Variants in CFAP61 observed in about 807,000 individuals in gnomAD.
CFAP61 encodes cilia- and flagella-associated protein 61.
In CFAP61, 107 loss-of-function variants were observed where a neutral mutation model predicts 135.6. The ratio of observed to expected loss-of-function variants is 0.79; its 90% CI spans 0.67 to 0.93. The LOEUF (loss-of-function observed/expected upper bound fraction) is 0.93, where lower values mean the gene tolerates loss of function less well. Ranked by LOEUF, CFAP61 falls within the 40% of genes least tolerant of loss-of-function variation. The pLI, the probability that CFAP61 is intolerant of heterozygous loss-of-function variation, is 0.00. For missense variants in CFAP61, 1,507 were observed against 1,556.2 expected (o/e 0.97, Z 0.53); for synonymous variants, 575 against 578.5 (o/e 0.99, Z 0.09).
chr20:20,304,989 G>C (rs1040186438), intron 25 of CFAP61, among the ~76,000 whole-genome samples: 2 of 152,088 alleles, frequency 1.3e-5, no homozygotes, highest in African/African-American at 4.8e-5. Context: ...GTGTAAATAG[G>C]TCTTGCCCTA....
intron 8 of CFAP61, chr20:20,107,517 T>A (rs1304343114): frequency 3.9e-5 from 6 of 152,202 alleles, no homozygotes; most frequent in Admixed American, 3.9e-4. Context: ...CTTAATTTAG[T>A]ATATGAAGAT....
chr20:20,258,104 A>G (rs2051807243), intron 20 of CFAP61, among the ~76,000 whole-genome samples: 1 of 152,198 alleles, frequency 6.6e-6, no homozygotes, highest in Non-Finnish European at 1.5e-5. Flanking sequence ...ACCCTGTTAT[A>G]AGAACCAAGA....
intron 7 of CFAP61, among the ~76,000 whole-genome samples, chr20:20,092,469 G>C (rs1181106379): frequency 6.6e-6 from 1 of 152,124 alleles, no homozygotes; most frequent in Admixed American, 6.5e-5. Context: ...TTGAAACTTG[G>C]AATGAAAAGT....
rs191512398 is a variant in CFAP61, at chr20:20,254,557, A to T, written c.2328+2794A>T. Among the ~76,000 whole-genome samples the T allele has an allele frequency of 2.3e-3, 343 of 152,268 alleles. 2 individuals are homozygous for T. The highest frequency in any genetic ancestry group is 8.1e-3 in the African/African-American group (336 of 41,560). ...AATGAAATGAAGAAGTGATAAAGGG[A>T]GTTCCAATTTAATTTTTCCAGAAGG... On this transcript the variant is annotated intron_variant, in intron 20 of 26. Coordinates refer to ENST00000245957, the MANE Select transcript of CFAP61 (RefSeq NM_015585.4).
At chr20:20,233,512 C>A (rs2049326847) in intron 18 of CFAP61, among the ~76,000 whole-genome samples, 1 of 152,172 alleles carries the variant, frequency 6.6e-6, no homozygotes, top group African/African-American at 2.4e-5. Flanking sequence ...AGATGGACAT[C>A]CACAGGGCAT....
In CFAP61 at chr20:20,125,068, T is replaced by G. The variant is rs939124693; in HGVS notation, c.860-17789T>G. On this transcript the variant is annotated intron_variant, in intron 8 of 26. Transcript: ENST00000245957. The stretch of plus-strand genomic sequence containing the variant: ...TTTCATTGGTGTCAGCTGTAATATC[T>G]CCTGTTTCATTTCTTAATGAGATTA... 2.6e-5 allele frequency among the ~76,000 whole-genome samples: 4 copies of G among 151,812 alleles called. 1 individual carries two copies. The highest frequency in any genetic ancestry group is 9.7e-5 in the African/African-American group (4 of 41,118).
At chr20:20,222,041 C>T (rs2048441006) in intron 17 of CFAP61, 1 of 152,150 alleles carries the variant, frequency 6.6e-6, no homozygotes, top group African/African-American at 2.4e-5. Context: ...TACTGCCTGG[C>T]TGACTGCTAC....
At chr20:20,208,811 C>G (rs1200675381) in intron 17 of CFAP61, among the ~76,000 whole-genome samples, 1 of 152,218 alleles carries the variant, frequency 6.6e-6, no homozygotes, top group Non-Finnish European at 1.5e-5. Flanking sequence ...GCCACCTGCC[C>G]TTCAGCTCAC....
At chr20:20,300,896 G>A (rs147636006) in intron 25 of CFAP61, among the ~76,000 whole-genome samples, 58 of 152,142 alleles carry the variant, frequency 3.8e-4, no homozygotes, top group African/African-American at 1.2e-3. Flanking sequence ...ATGAGCCACC[G>A]TGCCTGGCCT....
At chr20:20,232,804 G>A (rs2049251942) in intron 18 of CFAP61, 1 of 152,216 alleles carries the variant, frequency 6.6e-6, no homozygotes, top group Admixed American at 6.5e-5. Flanking sequence ...GCTTACTGGA[G>A]TCATGGATGA....
intron 23 of CFAP61, among the ~76,000 whole-genome samples, chr20:20,290,089 A>G (rs944512584): frequency 6.6e-6 from 1 of 152,336 alleles, no homozygotes; most frequent in East Asian, 1.9e-4. Context: ...TGGCGGCTAC[A>G]TTATGGGATA....
intron 6 of CFAP61, among the ~76,000 whole-genome samples, chr20:20,083,919 CA>C (rs2046610869): frequency 6.6e-6 from 1 of 152,148 alleles, no homozygotes; most frequent in Admixed American, 6.5e-5. Flanking sequence ...TAAATGACTC[CA>C]AAACCCATTT....
intron 8 of CFAP61, among the ~76,000 whole-genome samples, chr20:20,136,984 A>G (rs139073404): frequency 4.0e-4 from 61 of 152,272 alleles, no homozygotes; most frequent in African/African-American, 1.4e-3. Context: ...AGAGCCCAGT[A>G]ACATTTTGGT....
At chr20:20,242,486 T>A (rs568854693) in intron 18 of CFAP61, among the ~76,000 whole-genome samples, 1 of 152,330 alleles carries the variant, frequency 6.6e-6, no homozygotes, top group East Asian at 1.9e-4. Flanking sequence ...AGAGGGAGTA[T>A]TGTGGGTGCC....
chr20:20,329,784 C>T (rs933840565), intron 25 of CFAP61, among the ~76,000 whole-genome samples: 4 of 152,256 alleles, frequency 2.6e-5, no homozygotes, highest in Admixed American at 6.5e-5. Context: ...CACGCTTTCC[C>T]GGGCCTGGTT....
chr20:20,358,214 A>G (rs1216821085), intron 26 of CFAP61, among the ~76,000 whole-genome samples: 5 of 139,558 alleles, frequency 3.6e-5, no homozygotes, highest in Middle Eastern at 4.3e-3. Flanking sequence ...TCATACTGTG[A>G]GGGGAGGTGG....
chr20:20,250,334 T>C (rs1376588335), intron 19 of CFAP61, among the ~76,000 whole-genome samples: 3 of 152,128 alleles, frequency 2.0e-5, no homozygotes, highest in Admixed American at 6.5e-5. Context: ...CGGTCAGCAG[T>C]GGAGGAACGT....
chr20:20,196,998 A>C, intron 16 of CFAP61, among the ~76,000 whole-genome samples: 1 of 152,224 alleles, frequency 6.6e-6, no homozygotes, highest in East Asian at 1.9e-4. Context: ...TTGGTAGTAC[A>C]ATATGTTGGC....
chr20:20,200,150 G>A (rs2056536528), intron 17 of CFAP61, among the ~76,000 whole-genome samples: 1 of 152,252 alleles, frequency 6.6e-6, no homozygotes. Flanking sequence ...ATACCTCTCA[G>A]GCTGCTGTGT....
Sources: allele counts gnomAD v4.1 joint callset (sites outside exome capture counted in the v4.1 genomes callset), GRCh38; gene constraint gnomAD v4.1.1; transcripts MANE v1.5; gene names NCBI Gene and HGNC (gene_info 2026-07-23, HGNC 2026-07-21).